RTN4RL1: variants seen among roughly 807,000 people sequenced by gnomAD.
RTN4RL1 encodes the protein reticulon-4 receptor-like 1.
Under a neutral mutation model 25.6 loss-of-function variants are expected in RTN4RL1, and 7 were observed. The ratio of observed to expected loss-of-function variants is 0.27; its 90% confidence interval spans 0.16 to 0.51. The LOEUF (loss-of-function observed/expected upper bound fraction) is 0.51. Ranked by LOEUF, RTN4RL1 falls within the 20% of genes least tolerant of loss-of-function variation. The pLI is 0.97. For synonymous variants in RTN4RL1, 297 were observed against 288.2 expected (o/e 1.03, Z -0.31); for missense variants, 500 against 615.6 (o/e 0.81, Z 1.99).
rs1225720410 is a variant in RTN4RL1, at chr17:1,937,734, C to T, written c.88G>A (p.Val30Met). ...PLGGGCPRDC[V>M]CYPAPMTVSC... ...ACCGTCATGGGCGCCGGGTAGCACACACAGTCCCGTGGGCAGCCACCACCC... is the reference window on the plus strand; with the variant it reads ...ACCGTCATGGGCGCCGGGTAGCACATACAGTCCCGTGGGCAGCCACCACCC... The change falls in exon 2 of 2, where the codon GTG (valine) becomes ATG (methionine). Residue 30 changes from valine (V) to methionine (M), a missense_variant. Transcript: ENST00000331238. The T allele has an allele frequency of 6.2e-7, 1 of 1,610,014 alleles. No homozygotes were observed.
chr17:2,016,010 T>TG (rs1386991776), intron 1 of RTN4RL1, among the ~76,000 whole-genome samples: 9 of 152,182 alleles, frequency 5.9e-5, no homozygotes, highest in African/African-American at 1.9e-4. Flanking sequence ...CCCTTCCCCC[T>TG]GGGTCTGGCT....
rs145857125 is a variant in RTN4RL1, at chr17:1,976,032, G to A, written c.14-38224C>T. 3.3e-5 allele frequency among the ~76,000 whole-genome samples: 5 copies of A among 152,320 alleles called. No individual in the cohort carries two copies. The East Asian group carries it at 9.7e-4, about 29-fold the overall frequency. On this transcript the variant is annotated intron_variant, in intron 1 of 1. Coordinates refer to ENST00000331238, the MANE Select transcript of RTN4RL1 (RefSeq NM_178568.4). Reference sequence around the variant, plus strand: ...ACTCTATTCAGCACTCACTCAAAATGCCTTTTAAAAATAACATATGATTTT... The same window carrying A: ...ACTCTATTCAGCACTCACTCAAAATACCTTTTAAAAATAACATATGATTTT...
At chr17:1,950,407 T>A (rs1915648642) in intron 1 of RTN4RL1, among the ~76,000 whole-genome samples, 1 of 152,020 alleles carries the variant, frequency 6.6e-6, no homozygotes, top group African/African-American at 2.4e-5. Flanking sequence ...GAAAACCGGC[T>A]CAGGGCAGCC....
chr17:2,002,874 G>A (rs566875387), intron 1 of RTN4RL1, among the ~76,000 whole-genome samples: 1 of 152,280 alleles, frequency 6.6e-6, no homozygotes, highest in East Asian at 1.9e-4. Context: ...AGCAAGGGTG[G>A]GGCGGGACGG....
chr17:1,946,926 A>G (rs1441213286), intron 1 of RTN4RL1, among the ~76,000 whole-genome samples: 1 of 100,066 alleles, frequency 1.0e-5, no homozygotes, highest in Admixed American at 1.1e-4. Flanking sequence ...GTCTGTGTGC[A>G]TCTCTGTGTG....
chr17:1,992,358 C>CAAAAAA (rs1021180493), intron 1 of RTN4RL1, among the ~76,000 whole-genome samples: 1 of 53,266 alleles, frequency 1.9e-5, no homozygotes, highest in African/African-American at 6.8e-5. Context: ...GACTCTGTCT[C>CAAAAAA]AAAAAAAAAA....
chr17:1,958,293 T>G (rs1055768936), intron 1 of RTN4RL1, among the ~76,000 whole-genome samples: 1 of 152,142 alleles, frequency 6.6e-6, no homozygotes, highest in Non-Finnish European at 1.5e-5. Flanking sequence ...GGAGGAGACA[T>G]CTCTCTCCTT....
chr17:1,948,581 G>T (rs182396838), intron 1 of RTN4RL1, among the ~76,000 whole-genome samples: 1 of 152,086 alleles, frequency 6.6e-6, no homozygotes, highest in Non-Finnish European at 1.5e-5. Context: ...GCAGACAGGC[G>T]GACACAGGCG....
chr17:2,011,401 G>C (rs976822449), intron 1 of RTN4RL1, among the ~76,000 whole-genome samples: 1 of 152,368 alleles, frequency 6.6e-6, no homozygotes, highest in East Asian at 1.9e-4. Flanking sequence ...GGTCCGACAG[G>C]AGTCATGACA....
intron 1 of RTN4RL1, among the ~76,000 whole-genome samples, chr17:1,945,905 G>A (rs2151305860): frequency 6.6e-6 from 1 of 152,362 alleles, no homozygotes; most frequent in East Asian, 1.9e-4. Flanking sequence ...TGCTGCTCAG[G>A]AAGCCCTAGG....
At chr17:1,938,226 A>G (rs1472146527) in intron 1 of RTN4RL1, among the ~76,000 whole-genome samples, 1 of 152,234 alleles carries the variant, frequency 6.6e-6, no homozygotes, top group Non-Finnish European at 1.5e-5. Flanking sequence ...GATATTGGGA[A>G]GGACTCTTGC....
chr17:2,016,611 A>C (rs942708864), intron 1 of RTN4RL1, among the ~76,000 whole-genome samples: 2 of 152,236 alleles, frequency 1.3e-5, no homozygotes, highest in Non-Finnish European at 2.9e-5. Flanking sequence ...GGTTGCATAC[A>C]GGGCTGCGGT....
chr17:2,003,726 A>G (rs2066974267), intron 1 of RTN4RL1: 1 of 152,384 alleles, frequency 6.6e-6, no homozygotes, highest in East Asian at 1.9e-4. Flanking sequence ...CTACGGAAGC[A>G]GCAGGAAAAC....
rs146608637 is a variant in RTN4RL1, at chr17:2,006,976, C to T, written c.13+17877G>A. ...GAGCAGAGGTACAGGAAGAGGTTGGCGATGGGGTCCTGGAAAGATGAAGGG... is the reference window on the plus strand; with the variant it reads ...GAGCAGAGGTACAGGAAGAGGTTGGTGATGGGGTCCTGGAAAGATGAAGGG... On this transcript the variant is annotated intron_variant, in intron 1 of 1. Transcript: ENST00000331238. Among the ~76,000 whole-genome samples the T allele has an allele frequency of 2.2e-3, 328 of 152,038 alleles. 4 individuals carry two copies. In the East Asian group the frequency reaches 0.031, roughly 14 times the overall value.
rs1915319420 is a variant in RTN4RL1, at chr17:1,936,927, CG to C, written c.894del (p.Glu299ArgfsTer168). The C allele has an allele frequency of 6.2e-7, 1 of 1,610,014 alleles. No individual in the cohort carries two copies. Among genetic ancestry groups the C allele is most frequent in the African/African-American group, 1.3e-5 (1 of 74,852 alleles). On this transcript the variant is annotated frameshift_variant, in exon 2 of 2. Coordinates refer to ENST00000331238, the MANE Select transcript of RTN4RL1 (RefSeq NM_178568.4). LOFTEE classifies it high-confidence loss of function. Reference sequence around the variant, plus strand: ...GGTCCCGTGCAGTTCCGGAAGTCCTCGGCCCTCAGCAGCTTCAGGTCCTGGC... The same window carrying C: ...GGTCCCGTGCAGTTCCGGAAGTCCTCGCCCTCAGCAGCTTCAGGTCCTGGC... ...RHGQDLKLLR[A>X]EDFRNCTGPA...
intron 1 of RTN4RL1, among the ~76,000 whole-genome samples, chr17:1,970,492 T>C (rs2066813990): frequency 6.6e-6 from 1 of 152,174 alleles, no homozygotes; most frequent in African/African-American, 2.4e-5. Flanking sequence ...ACCCGTTAGA[T>C]CCAGCCGCAG....
chr17:1,942,209 C>G (rs1322608103), intron 1 of RTN4RL1, among the ~76,000 whole-genome samples: 3 of 152,162 alleles, frequency 2.0e-5, no homozygotes, highest in Non-Finnish European at 4.4e-5. Flanking sequence ...ACGTGCTCGG[C>G]TGACTGCTCG....
chr17:1,966,573 A>T (rs1318580287), intron 1 of RTN4RL1, among the ~76,000 whole-genome samples: 1 of 151,970 alleles, frequency 6.6e-6, no homozygotes, highest in Non-Finnish European at 1.5e-5. Context: ...CTCCTAGCCT[A>T]GGAGAGTCCC....
chr17:1,971,786 C>T (rs898238961), intron 1 of RTN4RL1, among the ~76,000 whole-genome samples: 24 of 151,900 alleles, frequency 1.6e-4, no homozygotes, highest in Admixed American at 1.2e-3. Context: ...CATGGTGAAA[C>T]CCCGTCTCTA....
Sources: gnomAD v4.1 joint callset for allele counts (sites outside exome capture counted in the v4.1 genomes callset) on GRCh38, gnomAD v4.1.1 for gene constraint, MANE v1.5 for transcripts, NCBI Gene and HGNC (gene_info 2026-07-23, HGNC 2026-07-21) for gene names.